HDAC9: variants seen among roughly 807,000 people sequenced by gnomAD.
HDAC9 encodes the protein MEF-2 interacting transcription repressor (MITR) protein.
HDAC9 carries 41 observed loss-of-function variants against 139.4 expected under a neutral mutation model. The ratio of observed to expected loss-of-function variants is 0.29; its 90% CI spans 0.23 to 0.38. The LOEUF is 0.38. Ranked by LOEUF, HDAC9 falls within the 10% of genes least tolerant of loss-of-function variation. The probability of loss-of-function intolerance (pLI) is 1.00; values close to 1 mark genes in which losing one functional copy is unlikely to be tolerated. For synonymous variants in HDAC9, 517 were observed against 476.2 expected, an observed-to-expected ratio of 1.09 and a Z score of -1.12; for missense variants, 1,147 against 1,297.0, an observed-to-expected ratio of 0.88 and a Z score of 1.78.
chr7:18,396,179 A>C (rs1434755251), intron 1 of HDAC9, among the ~76,000 whole-genome samples: 5 of 132,704 alleles, frequency 3.8e-5, no homozygotes, highest in Non-Finnish European at 7.9e-5. Context: ...TTCTTCTACA[A>C]ATATTTACCG....
intron 6 of HDAC9, among the ~76,000 whole-genome samples, chr7:18,594,666 C>G (rs1283442492): frequency 6.6e-6 from 1 of 151,936 alleles, no homozygotes; most frequent in African/African-American, 2.4e-5. Context: ...ATTTGCTGTT[C>G]CATCTTCATC....
At chr7:18,978,016 G>C (rs1265605895) in intron 25 of HDAC9, among the ~76,000 whole-genome samples, 1 of 151,618 alleles carries the variant, frequency 6.6e-6, no homozygotes, top group African/African-American at 2.4e-5. Flanking sequence ...CTTTTCAGGG[G>C]AATACTATCA....
At chr7:18,416,323 A>G (rs2128748773) in intron 1 of HDAC9, among the ~76,000 whole-genome samples, 1 of 152,164 alleles carries the variant, frequency 6.6e-6, no homozygotes, top group Non-Finnish European at 1.5e-5. Flanking sequence ...CAACAACAAA[A>G]AAAGAATTTT....
At chr7:18,610,890 C>A (rs996401559) in intron 6 of HDAC9, among the ~76,000 whole-genome samples, 4 of 152,154 alleles carry the variant, frequency 2.6e-5, no homozygotes, top group African/African-American at 9.7e-5. Context: ...CCATAATAAT[C>A]AAGTTTATTC....
At chr7:18,858,955 T>C (rs1797888617) in intron 21 of HDAC9, among the ~76,000 whole-genome samples, 1 of 152,168 alleles carries the variant, frequency 6.6e-6, no homozygotes, top group African/African-American at 2.4e-5. Context: ...TCAGAGCACT[T>C]AGAAACACTA....
intron 12 of HDAC9, among the ~76,000 whole-genome samples, chr7:18,669,738 G>A (rs529566626): frequency 2.0e-5 from 3 of 151,624 alleles, no homozygotes; most frequent in African/African-American, 7.3e-5. Flanking sequence ...TGTTATATAG[G>A]GTGAGTTTTA....
At chr7:18,502,941 T>C (rs376493668) in intron 2 of HDAC9, among the ~76,000 whole-genome samples, 3 of 152,292 alleles carry the variant, frequency 2.0e-5, no homozygotes, top group African/African-American at 7.2e-5. Context: ...TTTCAATATA[T>C]GAAAGGAGGA....
intron 16 of HDAC9, among the ~76,000 whole-genome samples, chr7:18,786,461 CCTTCCTTTCG>C: frequency 3.8e-5 from 1 of 25,996 alleles, no homozygotes; most frequent in Non-Finnish European, 2.4e-4. Flanking sequence ...CCCTTTCCTT[CCTTCCTTTCG>C]TCCTTCCTTC....
At chr7:18,684,998 T>C (rs1020520377) in intron 12 of HDAC9, among the ~76,000 whole-genome samples, 12 of 152,070 alleles carry the variant, frequency 7.9e-5, no homozygotes, top group African/African-American at 2.9e-4. Flanking sequence ...CTTTTCCTTG[T>C]TACTTTTCCT....
chr7:18,202,304 T>C (rs1791190954), intron 2 of HDAC9, among the ~76,000 whole-genome samples: 1 of 152,220 alleles, frequency 6.6e-6, no homozygotes, highest in South Asian at 2.1e-4. Context: ...TATCTCTTTT[T>C]TTAAATCTTC....
Position 18,099,235 on chromosome 7 carries a change from G to T in HDAC9, c.-97+12022G>T, listed in dbSNP as rs1315189950. ...AGCACTTTGGGAGGCCGAGGCAGGT[G>T]TGTCACCTGAGGTTGAGAGTTCGAC... On this transcript the variant is annotated intron_variant, in intron 1 of 12. Coordinates refer to the HDAC9 transcript ENST00000417496. 3.9e-5 allele frequency among the ~76,000 whole-genome samples: 6 copies of T among 152,302 alleles called. No individual in the cohort carries two copies. In the East Asian group the frequency reaches 1.2e-3, roughly 29 times the overall value.
intron 2 of HDAC9, among the ~76,000 whole-genome samples, chr7:18,499,021 T>G (rs1797683514): frequency 6.6e-6 from 1 of 152,144 alleles, no homozygotes; most frequent in African/African-American, 2.4e-5. Flanking sequence ...TACCTTGGTT[T>G]GATAAGAGTT....
intron 12 of HDAC9, among the ~76,000 whole-genome samples, chr7:18,714,425 A>G (rs1049127938): frequency 2.0e-5 from 3 of 152,186 alleles, no homozygotes; most frequent in African/African-American, 7.2e-5. Flanking sequence ...GCCTCCTTAG[A>G]TAGGGTGCAA....
intron 21 of HDAC9, among the ~76,000 whole-genome samples, chr7:18,844,433 T>C (rs998465675): frequency 1.3e-5 from 2 of 152,212 alleles, no homozygotes; most frequent in Non-Finnish European, 2.9e-5. Flanking sequence ...TAAATCTGCA[T>C]CTCAATTTGA....
intron 21 of HDAC9, among the ~76,000 whole-genome samples, chr7:18,839,616 C>T (rs1027165753): frequency 1.3e-5 from 2 of 152,036 alleles, no homozygotes; most frequent in African/African-American, 4.8e-5. Context: ...ATTAAGCGAA[C>T]CTAGCAAAAG....
chr7:18,251,549 T>C (rs921901735), intron 2 of HDAC9, among the ~76,000 whole-genome samples: 2 of 152,102 alleles, frequency 1.3e-5, no homozygotes, highest in Non-Finnish European at 2.9e-5. Context: ...ACAAAAAAAA[T>C]TCTAGGGTGG....
chr7:18,516,569 A>G (rs1474137593), intron 2 of HDAC9, among the ~76,000 whole-genome samples: 1 of 152,134 alleles, frequency 6.6e-6, no homozygotes, highest in Non-Finnish European at 1.5e-5. Context: ...TCTAGATAGT[A>G]ATATATTAGG....
chr7:18,729,683 T>C (rs1307379257), intron 13 of HDAC9, among the ~76,000 whole-genome samples: 3 of 152,202 alleles, frequency 2.0e-5, no homozygotes, highest in African/African-American at 7.2e-5. Context: ...TTAGGTTTTT[T>C]TCCCCCTCAT....
At chr7:18,904,912 G>GT (rs890039849) in intron 22 of HDAC9, among the ~76,000 whole-genome samples, 2 of 150,102 alleles carry the variant, frequency 1.3e-5, no homozygotes, top group Non-Finnish European at 3.0e-5. Flanking sequence ...GTTTTGTTTT[G>GT]TTTTTTCTCA....
Sources: allele counts gnomAD v4.1 joint callset (sites outside exome capture counted in the v4.1 genomes callset), GRCh38; gene constraint gnomAD v4.1.1; transcripts MANE v1.5; gene names NCBI Gene and HGNC (gene_info 2026-07-23, HGNC 2026-07-21).